The following SLC6A5 variants were observed in gnomAD, a reference collection of about 807,000 sequenced individuals.
SLC6A5 encodes sodium- and chloride-dependent glycine transporter 2.
A neutral mutation model predicts 90.5 loss-of-function variants in SLC6A5; 58 were observed. The observed-to-expected ratio is 0.64, with a 90% CI of 0.52 to 0.80. The LOEUF is 0.80. SLC6A5 is among the 30% of genes least tolerant of loss of function. The probability of loss-of-function intolerance (pLI) is 0.00; values close to 1 mark genes in which losing one functional copy is unlikely to be tolerated. For synonymous variants in SLC6A5, 427 were observed against 401.4 expected (o/e 1.06, Z -0.76); for missense variants, 1,015 against 1,017.6 (o/e 1.00, Z 0.03).
chr11:20,617,668 T>TA lies in SLC6A5; in HGVS notation c.1128-83dup, dbSNP rs2133788043. On this transcript the variant is annotated intron_variant, in intron 6 of 15. Coordinates refer to ENST00000525748, the MANE Select transcript of SLC6A5 (RefSeq NM_004211.5). ...GGGTTTTGTGCAAGCCTCCTGGCTC[T>TA]ACTGGAGGCTTAAAGCCTACTGCCT... 1.5e-5 allele frequency: 18 copies of TA among 1,217,872 alleles called. No homozygotes were observed. The South Asian group carries it at 1.9e-4, about 13-fold the overall frequency. 75.4% of individuals were successfully genotyped at this position (1,217,872 alleles called of 1,614,324 possible).
At chr11:20,647,592 G>C (rs555294869) in intron 14 of SLC6A5, among the ~76,000 whole-genome samples, 1 of 151,712 alleles carries the variant, frequency 6.6e-6, no homozygotes, top group Non-Finnish European at 1.5e-5. Flanking sequence ...CGTTTTCCAC[G>C]TGCTAATTTG....
chr11:20,607,507 T>C lies in SLC6A5; in HGVS notation c.840T>C (p.Ser280=). Residue 280 remains serine, a synonymous_variant, in exon 5 of 16, where the codon TCT becomes TCC. Transcript: ENST00000525748. ...QGCGIAMLII[S]VLIAIYYNVI... ...GTGGCATCGCGATGCTGATCATCTC[T>C]GTCCTAATAGCCATATACTACAATG... 1 of 1,614,226 alleles carries C rather than the reference T, an allele frequency of 6.2e-7. No individual in the cohort carries two copies.
At position 20,607,513 on chromosome 11, in the gene SLC6A5, A is replaced by G. The variant is rs1852607123; in HGVS notation, c.846A>G (p.Leu282=). The G allele has an allele frequency of 6.2e-6, 10 of 1,614,050 alleles. No individual in the cohort carries two copies. The highest frequency in any genetic ancestry group is 8.5e-6 in the Non-Finnish European group (10 of 1,180,040). Reference sequence around the variant, plus strand: ...TCGCGATGCTGATCATCTCTGTCCTAATAGCCATATACTACAATGTGATTA... The same window carrying G: ...TCGCGATGCTGATCATCTCTGTCCTGATAGCCATATACTACAATGTGATTA... ...CGIAMLIISV[L]IAIYYNVIIC... Residue 282 remains leucine (L), a synonymous_variant, in exon 5 of 16, where the codon CTA becomes CTG. Transcript: ENST00000525748.
At chr11:20,600,890 C>T (rs1051833153) in intron 1 of SLC6A5, among the ~76,000 whole-genome samples, 1 of 152,186 alleles carries the variant, frequency 6.6e-6, no homozygotes, top group African/African-American at 2.4e-5. Context: ...TACCTCTTTT[C>T]TTAGTTCATC....
intron 13 of SLC6A5, among the ~76,000 whole-genome samples, chr11:20,641,967 A>G (rs2133814262): frequency 6.6e-6 from 1 of 152,224 alleles, no homozygotes; most frequent in East Asian, 1.9e-4. Flanking sequence ...AGAAAAAATA[A>G]TATAAAATAA....
chr11:20,599,680 G>A lies in SLC6A5; in HGVS notation c.3+5G>A. On this transcript the variant is annotated splice_donor_5th_base_variant and intron_variant, in intron 1 of 15. Transcript: ENST00000525748. ...CTGTTGCCTGTGTCAGACATGGTGA[G>A]TGTTTGCTTTTGTTCTTTCAAGAGG... 2 of 1,614,086 alleles carry A rather than the reference G, an allele frequency of 1.2e-6. No individual in the cohort carries two copies. The highest frequency in any genetic ancestry group is 1.6e-4 in the Middle Eastern group (1 of 6,062).
At chr11:20,627,007 G>A (rs914308571) in intron 8 of SLC6A5, among the ~76,000 whole-genome samples, 165 bp downstream of exon 8, 6 of 152,114 alleles carry the variant, frequency 3.9e-5, no homozygotes, top group African/African-American at 1.4e-4. Flanking sequence ...AATGAGAAGT[G>A]GACAACTGAG....
intron 5 of SLC6A5, among the ~76,000 whole-genome samples, chr11:20,611,767 GAAA>G (rs56739547): frequency 1.4e-5 from 2 of 144,022 alleles, no homozygotes; most frequent in East Asian, 2.1e-4. Context: ...TTATTTTGGT[GAAA>G]AAAAAAAAAA....
At position 20,655,355 on chromosome 11, in the gene SLC6A5, G is replaced by A; in HGVS notation, c.*487G>A. ...TTTTTTTTTTCAGAGAGTTAGCAGT[G>A]GTCAGAAAATGTTTTGGATGTAAGA... is the stretch of plus-strand genomic sequence containing the variant. On this transcript the variant is annotated 3_prime_UTR_variant, in exon 16 of 16. Transcript: ENST00000525748. The A allele has an allele frequency of 5.1e-6, 1 of 197,746 alleles. No individual in the cohort carries two copies. The highest frequency in any genetic ancestry group is 1.1e-5 in the Non-Finnish European group (1 of 94,908). 12.2% of individuals were successfully genotyped at this position (197,746 alleles called of 1,614,324 possible).
intron 7 of SLC6A5, among the ~76,000 whole-genome samples, chr11:20,620,704 G>A (rs1852873036): frequency 6.6e-6 from 1 of 152,224 alleles, no homozygotes; most frequent in South Asian, 2.1e-4. Flanking sequence ...AGAGTAAATT[G>A]CCTGAAGTCA....
intron 10 of SLC6A5, among the ~76,000 whole-genome samples, chr11:20,634,645 G>A (rs975670421): frequency 6.6e-6 from 1 of 152,064 alleles, no homozygotes; most frequent in South Asian, 2.1e-4. Context: ...TTTCTTTTAC[G>A]GTTCACATAG....
At position 20,658,152 on chromosome 11, in the gene SLC6A5, A is replaced by C. The variant is rs1276513899; in HGVS notation, c.*3284A>C. On this transcript the variant is annotated 3_prime_UTR_variant, in exon 16 of 16. Coordinates refer to ENST00000525748, the MANE Select transcript of SLC6A5 (RefSeq NM_004211.5). ...TGCATTGGAGTTGAGTTTTCCTTTA[A>C]TTAAGTTCTTGTTTCCTCATCTATG... 6.6e-6 allele frequency: 1 copy of C among 152,084 alleles called. No individual in the cohort carries two copies. The highest frequency in any genetic ancestry group is 2.4e-5 in the African/African-American group (1 of 41,404). 9.4% of individuals were successfully genotyped at this position (152,084 alleles called of 1,614,324 possible). A position where few individuals can be genotyped will look rare whatever the true frequency, so the allele number is the denominator to read the frequency against.
chr11:20,609,483 C>T (rs746554098), intron 5 of SLC6A5, among the ~76,000 whole-genome samples: 17 of 152,198 alleles, frequency 1.1e-4, no homozygotes, highest in Non-Finnish European at 1.0e-4. Context: ...ACTTGCAGAG[C>T]CCCACTGCTC....
chr11:20,613,892 C>A (rs1024207249), intron 5 of SLC6A5, among the ~76,000 whole-genome samples: 4 of 152,022 alleles, frequency 2.6e-5, no homozygotes, highest in Non-Finnish European at 5.9e-5. Flanking sequence ...GTATTAGCAT[C>A]CCTGGCCTCT....
intron 6 of SLC6A5, among the ~76,000 whole-genome samples, chr11:20,616,364 C>A (rs1852782998): frequency 6.6e-6 from 1 of 152,190 alleles, no homozygotes; most frequent in African/African-American, 2.4e-5. Flanking sequence ...GTTTGCAAAT[C>A]ATTTTCCAGT....
chr11:20,622,074 G>A (rs1290145526), intron 7 of SLC6A5, among the ~76,000 whole-genome samples: 2 of 152,182 alleles, frequency 1.3e-5, no homozygotes, highest in East Asian at 3.9e-4. Flanking sequence ...AGGCTCAGAT[G>A]GGCGAGTCAG....
intron 12 of SLC6A5, 43 bp downstream of exon 12, chr11:20,637,346 G>A: frequency 6.4e-7 from 1 of 1,557,082 alleles, no homozygotes; most frequent in South Asian, 1.1e-5. Flanking sequence ...GGGGCAGGAG[G>A]GTGGGGGGCC....
At chr11:20,642,315 A>C (rs768221627) in intron 13 of SLC6A5, among the ~76,000 whole-genome samples, 8 of 151,888 alleles carry the variant, frequency 5.3e-5, no homozygotes, top group Non-Finnish European at 1.2e-4. Flanking sequence ...AAAAGCCACA[A>C]AGGTGCATGG....
At chr11:20,607,726 A>G in intron 5 of SLC6A5, 74 bp downstream of exon 5, 1 of 1,169,754 alleles carries the variant, frequency 8.5e-7, no homozygotes. Context: ...AATTGAACAT[A>G]TATTATGCAT....
Sources: allele counts gnomAD v4.1 joint callset (sites outside exome capture counted in the v4.1 genomes callset), GRCh38; gene constraint gnomAD v4.1.1; transcripts MANE v1.5; gene names NCBI Gene and HGNC (gene_info 2026-07-23, HGNC 2026-07-21).